Variants in SCG3 observed in about 807,000 individuals in gnomAD.
The protein encoded by SCG3 is secretogranin III.
A neutral mutation model predicts 56.2 loss-of-function variants in SCG3; 38 were observed. That is an observed-to-expected ratio of 0.68 (90% confidence interval 0.52 to 0.89). The LOEUF is 0.89. Ranked by LOEUF, SCG3 falls within the 40% of genes least tolerant of loss-of-function variation. The pLI is 0.00. For missense variants in SCG3, 524 were observed against 540.7 expected (o/e 0.97, Z 0.31); for synonymous variants, 176 against 184.2 (o/e 0.96, Z 0.36).
At chr15:51,714,613 C>T (rs2652594) in intron 11 of SCG3, among the ~76,000 whole-genome samples, 78,208 of 152,034 alleles carry the variant, frequency 0.51, 21,127 homozygotes, top group East Asian at 0.71. Context: ...ACTGCCCAGG[C>T]TGCACTGCAG....
At chr15:51,699,903 C>T (rs75452101) in intron 9 of SCG3, among the ~76,000 whole-genome samples, 3,286 of 152,208 alleles carry the variant, frequency 0.022, 54 homozygotes, top group Non-Finnish European at 0.035. Flanking sequence ...CACCTATCAC[C>T]CTACTCAGCC....
intron 8 of SCG3, among the ~76,000 whole-genome samples, chr15:51,698,789 G>A (rs915717402): frequency 4.0e-5 from 6 of 151,386 alleles, no homozygotes; most frequent in Non-Finnish European, 8.8e-5. Flanking sequence ...ATCAATCCCA[G>A]TGGAAAGAGA....
At chr15:51,689,601 G>A (rs1335775532) in intron 6 of SCG3, among the ~76,000 whole-genome samples, 1 of 151,948 alleles carries the variant, frequency 6.6e-6, no homozygotes, top group Non-Finnish European at 1.5e-5. Flanking sequence ...ACTAGACCTG[G>A]CAACATAATG....
At chr15:51,686,002 A>G (rs1450039072) in intron 4 of SCG3, among the ~76,000 whole-genome samples, 1 of 152,246 alleles carries the variant, frequency 6.6e-6, no homozygotes, top group African/African-American at 2.4e-5. Flanking sequence ...ATTAAAATAT[A>G]TTGAACAAAT....
At chr15:51,704,269 ATATATAT>A (rs2055358970) in intron 10 of SCG3, among the ~76,000 whole-genome samples, 1 of 133,146 alleles carries the variant, frequency 7.5e-6, no homozygotes, top group African/African-American at 3.0e-5. Flanking sequence ...ATATATATAT[ATATATAT>A]ATAAAATAGC....
At chr15:51,701,975 C>T (rs1313050947) in intron 10 of SCG3, among the ~76,000 whole-genome samples, 2 of 152,088 alleles carry the variant, frequency 1.3e-5, no homozygotes, top group Non-Finnish European at 2.9e-5. Context: ...AGGAGATATA[C>T]CTCATGTAAA....
intron 6 of SCG3, among the ~76,000 whole-genome samples, chr15:51,689,670 T>C (rs2055254367): frequency 6.6e-6 from 1 of 152,016 alleles, no homozygotes; most frequent in African/African-American, 2.4e-5. Context: ...AAGCTTATAG[T>C]CTCAGCTACT....
At chr15:51,694,558 A>G (rs1378130486) in intron 7 of SCG3, among the ~76,000 whole-genome samples, 1 of 152,042 alleles carries the variant, frequency 6.6e-6, no homozygotes, top group Non-Finnish European at 1.5e-5. Context: ...AAAATCTTTC[A>G]GTGGCAGCTC....
chr15:51,705,394 C>G (rs72730948), intron 10 of SCG3, among the ~76,000 whole-genome samples: 7 of 152,240 alleles, frequency 4.6e-5, no homozygotes, highest in Admixed American at 6.5e-5. Flanking sequence ...CCACTATTGC[C>G]TATTTAGGAT....
chr15:51,711,295 T>C (rs1043345528), intron 10 of SCG3, among the ~76,000 whole-genome samples: 1 of 152,260 alleles, frequency 6.6e-6, no homozygotes, highest in African/African-American at 2.4e-5. Flanking sequence ...GAATTTTTAA[T>C]GCAGTGTCTA....
intron 4 of SCG3, among the ~76,000 whole-genome samples, chr15:51,686,108 G>T (rs1367728782): frequency 1.3e-5 from 2 of 152,216 alleles, no homozygotes; most frequent in East Asian, 1.9e-4. Flanking sequence ...TTAGAATGTT[G>T]TGGCTACTTA....
chr15:51,688,421 A>G lies in SCG3; in HGVS notation c.540+19A>G. 2 of 1,610,032 alleles carry G rather than the reference A, an allele frequency of 1.2e-6. No homozygotes were observed. The highest frequency in any genetic ancestry group is 1.7e-6 in the Non-Finnish European group (2 of 1,177,174). On this transcript the variant is annotated intron_variant, in intron 5 of 11. Transcript: ENST00000220478. ...CGGCCTTGTAAGTCATTTGGTAGGAAATAAACCAAATTCCTAGTGCAGTTT... is the reference window on the plus strand; with the variant it reads ...CGGCCTTGTAAGTCATTTGGTAGGAGATAAACCAAATTCCTAGTGCAGTTT...
At chr15:51,684,857 TATGA>T (rs570433124) in intron 4 of SCG3, among the ~76,000 whole-genome samples, 19 of 152,202 alleles carry the variant, frequency 1.2e-4, no homozygotes, top group African/African-American at 4.1e-4. Context: ...TGAATAAATT[TATGA>T]ATGAATGAAT....
chr15:51,701,189 G>A lies in SCG3; in HGVS notation c.1152G>A (p.Lys384=), dbSNP rs201811207. 8.7e-6 allele frequency: 14 copies of A among 1,612,548 alleles called. No individual in the cohort carries two copies. In the East Asian group the frequency reaches 1.1e-4, roughly 13 times the overall value. The change falls in exon 10 of 12, where the codon AAG becomes AAA. Residue 384 remains lysine (K), a synonymous_variant. Transcript: ENST00000220478. The part of the protein sequence containing the change: ...AKMEKEYGSL[K]DSTKDDNSNP... ...TGGAAAAGGAATATGGAAGCTTGAA[G>A]GATTCCACAAAAGATGATAACTCCA...
chr15:51,682,064 T>C (rs1275938313), intron 1 of SCG3, among the ~76,000 whole-genome samples: 6 of 152,190 alleles, frequency 3.9e-5, no homozygotes, highest in African/African-American at 1.4e-4. Context: ...AAGATCTTAT[T>C]TTGAAAAGGG....
intron 10 of SCG3, 51 bp from the exon 11 acceptor site, chr15:51,713,282 G>C (rs1040124092): frequency 3.3e-6 from 4 of 1,194,474 alleles, no homozygotes; most frequent in South Asian, 1.3e-5. Flanking sequence ...TTTAAAATGA[G>C]ATGTAGTGAT....
At chr15:51,686,367 A>G (rs896106490) in intron 4 of SCG3, among the ~76,000 whole-genome samples, 4 of 152,226 alleles carry the variant, frequency 2.6e-5, no homozygotes, top group Non-Finnish European at 5.9e-5. Context: ...AGCAGAGCAA[A>G]GACTCTTCAG....
chr15:51,697,842 C>T (rs748538696), intron 8 of SCG3, among the ~76,000 whole-genome samples: 1 of 151,946 alleles, frequency 6.6e-6, no homozygotes, highest in Non-Finnish European at 1.5e-5. Flanking sequence ...GTATATGTAA[C>T]TTTTACAACT....
intron 10 of SCG3, among the ~76,000 whole-genome samples, chr15:51,703,865 T>A (rs2055353839): frequency 6.6e-6 from 1 of 152,172 alleles, no homozygotes; most frequent in Non-Finnish European, 1.5e-5. Context: ...TTCTCTAGCA[T>A]GGATTTCATA....
Sources: allele counts gnomAD v4.1 joint callset (sites outside exome capture counted in the v4.1 genomes callset), GRCh38; gene constraint gnomAD v4.1.1; transcripts MANE v1.5; gene names NCBI Gene and HGNC (gene_info 2026-07-23, HGNC 2026-07-21).